The following DNAJC2 variants were observed in gnomAD, a reference collection of about 807,000 sequenced individuals.
DNAJC2 encodes DnaJ heat shock protein family (Hsp40) member C2, also known as dnaJ homolog subfamily C member 2.
Under a neutral mutation model 94.0 loss-of-function variants are expected in DNAJC2, and 32 were observed. That is an observed-to-expected ratio of 0.34 (90% CI 0.26 to 0.46). The LOEUF (loss-of-function observed/expected upper bound fraction) is 0.46, where lower values mean the gene tolerates loss of function less well. DNAJC2 is among the 20% of genes least tolerant of loss of function. DNAJC2 has a pLI of 1.00. For missense variants in DNAJC2, 550 were observed against 719.5 expected (o/e 0.76, Z 2.69); for synonymous variants, 210 against 229.7 (o/e 0.91, Z 0.77).
chr7:103,344,469 A>C, intron 1 of DNAJC2, 90 bp downstream of exon 1: 1 of 1,468,882 alleles, frequency 6.8e-7, no homozygotes, highest in Non-Finnish European at 9.5e-7. Flanking sequence ...CGCCAGGGTC[A>C]AGGGTAGAGA....
chr7:103,312,556 A>G lies in DNAJC2; in HGVS notation c.*13T>C. The G allele has an allele frequency of 6.2e-7, 1 of 1,603,866 alleles. No homozygotes were observed. The highest frequency in any genetic ancestry group is 8.5e-7 in the Non-Finnish European group (1 of 1,177,150). On this transcript the variant is annotated 3_prime_UTR_variant, in exon 17 of 17. Transcript: ENST00000379263. ...TCAGTTTTATTATAAAAATGCACAC[A>G]CAACAAAGATTGTCATTTCTTGGCT... is the stretch of plus-strand genomic sequence containing the variant.
chr7:103,322,921 C>G, intron 7 of DNAJC2, 127 bp from the exon 8 acceptor site: 1 of 760,308 alleles, frequency 1.3e-6, no homozygotes, highest in South Asian at 1.9e-5. Flanking sequence ...TCATTACTAA[C>G]ATTAAACAAT....
intron 2 of DNAJC2, among the ~76,000 whole-genome samples, chr7:103,340,976 T>G (rs1819352358): frequency 6.6e-6 from 1 of 152,180 alleles, no homozygotes; most frequent in Admixed American, 6.5e-5. Flanking sequence ...CCACACACTC[T>G]AGCAGGTCAC....
intron 1 of DNAJC2, among the ~76,000 whole-genome samples, chr7:103,343,616 G>C (rs1217435758): frequency 6.6e-6 from 1 of 152,182 alleles, no homozygotes; most frequent in Non-Finnish European, 1.5e-5. Flanking sequence ...TTACAAACTT[G>C]TAGTAAAGGT....
chr7:103,315,772 C>T lies in DNAJC2; in HGVS notation c.1628G>A (p.Arg543Gln), dbSNP rs758912278. The change falls in exon 15 of 17, where the codon CGA becomes CAA. Residue 543 changes from arginine (R) to glutamine (Q), a missense_variant. Coordinates refer to ENST00000379263, the MANE Select transcript of DNAJC2 (RefSeq NM_014377.3). Reference protein sequence around the residue: ...PQADNATPSERFEGPYTDFTP... With the variant: ...PQADNATPSEQFEGPYTDFTP... Reference sequence around the variant, plus strand: ...AGAAAAGCAAAATTTACCTTCAAATCGTTCTGAAGGCGTTGCGTTGTCTGC... The same window carrying T: ...AGAAAAGCAAAATTTACCTTCAAATTGTTCTGAAGGCGTTGCGTTGTCTGC... 11 of 1,612,818 alleles carry T rather than the reference C, an allele frequency of 6.8e-6. No individual in the cohort carries two copies. Among genetic ancestry groups the T allele is most frequent in the Admixed American group, 1.7e-5 (1 of 59,924 alleles).
intron 3 of DNAJC2, among the ~76,000 whole-genome samples, 174 bp from the exon 4 acceptor site, chr7:103,327,928 A>C (rs77749359): frequency 0.089 from 13,566 of 152,048 alleles, 672 homozygotes; most frequent in South Asian, 0.17. Context: ...ATTTCTTCTT[A>C]TTATTTTTTG....
intron 15 of DNAJC2, chr7:103,314,589 G>C: frequency 1.0e-6 from 1 of 985,206 alleles, no homozygotes; most frequent in Non-Finnish European, 1.2e-6. Context: ...AAAGGTGCAG[G>C]AGAATAAACT....
Position 103,342,381 on chromosome 7 carries a change from A to G in DNAJC2, c.65-427T>C, listed in dbSNP as rs533941039. Among the ~76,000 whole-genome samples the G allele has an allele frequency of 1.4e-3, 205 of 151,484 alleles. 1 individual carries two copies. The highest frequency in any genetic ancestry group is 4.9e-3 in the African/African-American group (201 of 41,248). ...AATGCAATGGCGAGATCTCGGCTCA[A>G]TGCCGTCTCCACCTCCCGGGTTCAA... On this transcript the variant is annotated intron_variant, in intron 1 of 16. Coordinates refer to ENST00000379263, the MANE Select transcript of DNAJC2 (RefSeq NM_014377.3).
chr7:103,326,593 T>C lies in DNAJC2; in HGVS notation c.522A>G (p.Ala174=), dbSNP rs898019001. 6.2e-7 allele frequency: 1 copy of C among 1,613,930 alleles called. No homozygotes were observed. Among genetic ancestry groups the C allele is most frequent in the Non-Finnish European group, 8.5e-7 (1 of 1,179,968 alleles). The change falls in exon 5 of 17, where the codon GCA becomes GCG. Residue 174 remains alanine, a synonymous_variant. Transcript: ENST00000379263. ...TAAACACTTCGAAGAAATTATCCTT[T>C]GCTTCACTTTTAGAAGGAACTGAGT... is the stretch of plus-strand genomic sequence containing the variant. ...FDNSVPSKSE[A]KDNFFEVFTP...
At chr7:103,312,702 C>A in intron 16 of DNAJC2, 59 bp from the exon 17 acceptor site, 1 of 1,600,180 alleles carries the variant, frequency 6.2e-7, no homozygotes, top group South Asian at 1.1e-5. Context: ...ACATTTTAAT[C>A]TAGTGTTTGG....
chr7:103,328,962 G>T (rs1358423595), intron 3 of DNAJC2: 3 of 1,260,508 alleles, frequency 2.4e-6, no homozygotes, highest in Non-Finnish European at 3.1e-6. Context: ...TTCATGAATG[G>T]AAATGGAACA....
At chr7:103,333,881 T>C (rs577408104) in intron 3 of DNAJC2, among the ~76,000 whole-genome samples, 1 of 152,338 alleles carries the variant, frequency 6.6e-6, no homozygotes, top group East Asian at 1.9e-4. Flanking sequence ...AGTTTGCTTA[T>C]CTATTTCCAT....
intron 3 of DNAJC2, among the ~76,000 whole-genome samples, chr7:103,331,404 A>G (rs1411813163): frequency 6.6e-6 from 1 of 152,208 alleles, no homozygotes; most frequent in African/African-American, 2.4e-5. Flanking sequence ...AATATACAAT[A>G]CATCATTGTT....
Position 103,312,937 on chromosome 7 carries a change from A to G in DNAJC2, c.1791+10T>C. On this transcript the variant is annotated intron_variant, in intron 16 of 16. Transcript: ENST00000379263. ...AAATACAACAATCTATAAACGCTTA[A>G]GTCTGCAACCTTGTATCGTTTCATG... The G allele has an allele frequency of 6.2e-7, 1 of 1,602,754 alleles. No individual in the cohort carries two copies. Among genetic ancestry groups the G allele is most frequent in the Non-Finnish European group, 8.5e-7 (1 of 1,177,274 alleles).
At chr7:103,320,762 CATATATAT>C (rs71519145) in intron 10 of DNAJC2, 15 of 135,906 alleles carry the variant, frequency 1.1e-4, no homozygotes, top group African/African-American at 3.5e-4. Context: ...TATATATACA[CATATATAT>C]ATATATATAT....
intron 2 of DNAJC2, 44 bp downstream of exon 2, chr7:103,341,720 C>G: frequency 6.9e-7 from 1 of 1,454,452 alleles, no homozygotes. Context: ...TTGTCTATGT[C>G]TAACAAAGCA....
At chr7:103,333,641 T>C (rs1222112821) in intron 3 of DNAJC2, among the ~76,000 whole-genome samples, 1 of 152,186 alleles carries the variant, frequency 6.6e-6, no homozygotes, top group Non-Finnish European at 1.5e-5. Flanking sequence ...AAAAGTTCCC[T>C]TGTACCCTTT....
At chr7:103,322,856 A>G (rs1364552631) in intron 7 of DNAJC2, 62 bp from the exon 8 acceptor site, 1 of 1,234,162 alleles carries the variant, frequency 8.1e-7, no homozygotes, top group East Asian at 2.5e-5. Context: ...TGGAAAATGC[A>G]ATATTTTATA....
chr7:103,312,309 A>C lies in DNAJC2; in HGVS notation c.*260T>G. 6.2e-7 allele frequency: 1 copy of C among 1,603,994 alleles called. No individual in the cohort carries two copies. The highest frequency in any genetic ancestry group is 8.5e-7 in the Non-Finnish European group (1 of 1,179,432). Reference sequence around the variant, plus strand: ...CAAGATTGTTTGAACACATGTATTTATAAAACAGAGCTAGAGAAAAATAAA... The same window carrying C: ...CAAGATTGTTTGAACACATGTATTTCTAAAACAGAGCTAGAGAAAAATAAA... On this transcript the variant is annotated 3_prime_UTR_variant, in exon 17 of 17. Coordinates refer to ENST00000379263, the MANE Select transcript of DNAJC2 (RefSeq NM_014377.3).
Sources: gnomAD v4.1 joint callset for allele counts (sites outside exome capture counted in the v4.1 genomes callset) on GRCh38, gnomAD v4.1.1 for gene constraint, MANE v1.5 for transcripts, NCBI Gene and HGNC (gene_info 2026-07-23, HGNC 2026-07-21) for gene names.